ANK3: variants seen among roughly 807,000 people sequenced by gnomAD.
The protein encoded by ANK3 is ankyrin-3.
ANK3 carries 57 observed loss-of-function variants against 370.9 expected under a neutral mutation model. The observed-to-expected ratio is 0.15, with a 90% CI of 0.12 to 0.19. The LOEUF is 0.19. Among genes scored for constraint, ANK3 ranks in the 10% least tolerant of loss-of-function variants. ANK3 has a pLI of 1.00. For synonymous variants in ANK3, 1,929 were observed against 1,946.3 expected (o/e 0.99, Z 0.23); for missense variants, 4,439 against 5,302.1 (o/e 0.84, Z 5.06).
intron 42 of ANK3, 172 bp from the exon 43 acceptor site, chr10:60,042,931 C>A: frequency 2.1e-6 from 3 of 1,415,664 alleles, no homozygotes; most frequent in Non-Finnish European, 2.8e-6. Flanking sequence ...AGTTTAGCAT[C>A]ATCAAGCAAG....
At chr10:60,241,423 T>G in intron 7 of ANK3, among the ~76,000 whole-genome samples, 1 of 152,204 alleles carries the variant, frequency 6.6e-6, no homozygotes, top group East Asian at 1.9e-4. Context: ...TGTTATAGAA[T>G]ACATTAGCAT....
rs71015793 is a variant in ANK3, at chr10:60,423,421, C to CTT, written c.97-143784_97-143783dup. On this transcript the variant is annotated intron_variant, in intron 2 of 43. Coordinates refer to the ANK3 transcript ENST00000373827. Reference sequence around the variant, plus strand: ...CTATTCTGCAACAATGATTCTCCATCTTTTTTTTTTTCACAGCACACTCTG... The same window carrying CTT: ...CTATTCTGCAACAATGATTCTCCATCTTTTTTTTTTTTTCACAGCACACTCTG... 6.2e-4 allele frequency among the ~76,000 whole-genome samples: 92 copies of CTT among 148,286 alleles called. 1 individual carries two copies. The highest frequency in any genetic ancestry group is 4.9e-3 in the East Asian group (25 of 5,088).
Position 60,042,748 on chromosome 10 carries a change from A to G in ANK3, c.13077T>C (p.Gly4359=). 1 of 1,613,274 alleles carries G rather than the reference A, an allele frequency of 6.2e-7. No individual in the cohort carries two copies. Among genetic ancestry groups the G allele is most frequent in the South Asian group, 1.1e-5 (1 of 91,056 alleles). Residue 4359 remains glycine (G), a synonymous_variant, in exon 43 of 44, where the codon GGT becomes GGC. Transcript: ENST00000280772. ...TTTCTTTCTTCGTTTTCACCTTAAA[A>G]CCTTCTCCCTGCTTTGAAAGGAGTG... ...SSGSEQKQGE[G]FKVKTKKEIR... is the part of the protein sequence containing the mutation.
chr10:60,061,427 C>T lies in ANK3; in HGVS notation c.12595+1684G>A, dbSNP rs894641223. Among the ~76,000 whole-genome samples the T allele has an allele frequency of 2.6e-5, 4 of 152,204 alleles. No individual in the cohort carries two copies. The East Asian group carries it at 7.7e-4, about 29-fold the overall frequency. Reference sequence around the variant, plus strand: ...AATGAAGCTTTCAACACAACTACTTCTGTTGTGTTCTGGTGATCTTTTTTA... The same window carrying T: ...AATGAAGCTTTCAACACAACTACTTTTGTTGTGTTCTGGTGATCTTTTTTA... On this transcript the variant is annotated intron_variant, in intron 40 of 43. Coordinates refer to ENST00000280772, the MANE Select transcript of ANK3 (RefSeq NM_020987.5).
chr10:60,065,490 T>C (rs1477011835), intron 38 of ANK3, among the ~76,000 whole-genome samples: 2 of 152,256 alleles, frequency 1.3e-5, no homozygotes, highest in African/African-American at 4.8e-5. Context: ...ATTCAGAGGC[T>C]CAAAAAAGTC....
At chr10:60,485,168 G>A (rs2075317996) in intron 2 of ANK3, among the ~76,000 whole-genome samples, 1 of 152,122 alleles carries the variant, frequency 6.6e-6, no homozygotes, top group Non-Finnish European at 1.5e-5. Context: ...TTCATCATCT[G>A]TACCATGACT....
At chr10:60,149,526 C>T (rs115041778) in intron 23 of ANK3, among the ~76,000 whole-genome samples, 13 of 152,298 alleles carry the variant, frequency 8.5e-5, no homozygotes, top group Middle Eastern at 3.4e-3. Context: ...AATTCCTTGG[C>T]GTCTGTTAAA....
At chr10:60,280,003 T>C (rs1034246183) in intron 1 of ANK3, among the ~76,000 whole-genome samples, 1 of 152,202 alleles carries the variant, frequency 6.6e-6, no homozygotes, top group Non-Finnish European at 1.5e-5. Context: ...AAATGTAACA[T>C]CTATTCCTTT....
chr10:60,319,583 C>T (rs564032233), intron 1 of ANK3, among the ~76,000 whole-genome samples: 1 of 152,258 alleles, frequency 6.6e-6, no homozygotes, highest in Non-Finnish European at 1.5e-5. Context: ...TTAAAACACA[C>T]CCATTTATTG....
chr10:60,245,117 C>G (rs1183609700), intron 7 of ANK3, among the ~76,000 whole-genome samples: 1 of 151,710 alleles, frequency 6.6e-6, no homozygotes. Flanking sequence ...TGCAGTGAGC[C>G]GAGATTGCGC....
intron 28 of ANK3, among the ~76,000 whole-genome samples, chr10:60,094,181 ATTTTTTTTTTTT>A (rs1169437967): frequency 3.4e-5 from 4 of 116,390 alleles, no homozygotes; most frequent in Admixed American, 9.7e-5. Context: ...ACAGTATTCT[ATTTTTTTTTTTT>A]TTTTTTTTTG....
intron 1 of ANK3, among the ~76,000 whole-genome samples, chr10:60,310,272 C>A (rs1169883337): frequency 6.6e-6 from 1 of 152,030 alleles, no homozygotes; most frequent in Non-Finnish European, 1.5e-5. Context: ...TACACATGTG[C>A]ACACTCACCC....
rs1425520992 is a variant in ANK3, at chr10:60,086,664, G to C, written c.3748+13C>G. Reference sequence around the variant, plus strand: ...GTGAATCAATAGGAAGTACAGCAGTGACTTAACCAAACCTGTAATGCTACA... The same window carrying C: ...GTGAATCAATAGGAAGTACAGCAGTCACTTAACCAAACCTGTAATGCTACA... On this transcript the variant is annotated intron_variant, in intron 30 of 43. Transcript: ENST00000280772. 1 of 1,608,078 alleles carries C rather than the reference G, an allele frequency of 6.2e-7. No individual in the cohort carries two copies. The highest frequency in any genetic ancestry group is 1.3e-5 in the African/African-American group (1 of 74,770).
rs747702473 is a variant in ANK3 at position 60,086,742 on chromosome 10, T to C, written c.3683A>G (p.Glu1228Gly). 1 of 1,614,000 alleles carries C rather than the reference T, an allele frequency of 6.2e-7. No individual in the cohort carries two copies. Among genetic ancestry groups the C allele is most frequent in the African/African-American group, 1.3e-5 (1 of 74,994 alleles). ...MTIPVPPPSG[E>G]GVSNGYKGDT... ...CCCTTTGTATCCATTGGATACACCT[T>C]CTCCTGAGGGCGGGGGCACCGGAAT... Residue 1228 changes from glutamate to glycine, a missense_variant, in exon 30 of 44, where the codon GAA becomes GGA. Glu to Gly is a moderately conservative substitution (Grantham distance 98). Transcript: ENST00000280772.
intron 1 of ANK3, among the ~76,000 whole-genome samples, chr10:60,323,886 T>G (rs1281354907): frequency 1.3e-5 from 2 of 152,160 alleles, no homozygotes; most frequent in East Asian, 3.9e-4. Flanking sequence ...AGACCAGAGC[T>G]GAGAACTGAT....
intron 43 of ANK3, among the ~76,000 whole-genome samples, chr10:60,035,290 C>T (rs1486619578): frequency 6.6e-6 from 1 of 151,902 alleles, no homozygotes; most frequent in Non-Finnish European, 1.5e-5. Flanking sequence ...GCTCTGTCGC[C>T]CAGGCTGGAG....
intron 2 of ANK3, among the ~76,000 whole-genome samples, chr10:60,452,612 A>C (rs866121250): frequency 2.0e-5 from 3 of 152,370 alleles, no homozygotes; most frequent in Non-Finnish European, 4.4e-5. Flanking sequence ...CAGAAAGAGA[A>C]TCTTCTCATA....
chr10:60,335,511 G>C (rs2052609704), intron 1 of ANK3, among the ~76,000 whole-genome samples: 2 of 152,128 alleles, frequency 1.3e-5, no homozygotes, highest in African/African-American at 2.4e-5. Flanking sequence ...AATGTGGCAG[G>C]TTGGCCCACC....
chr10:60,660,249 A>T (rs1273605378), intron 1 of ANK3, among the ~76,000 whole-genome samples: 5 of 152,156 alleles, frequency 3.3e-5, no homozygotes, highest in Non-Finnish European at 7.4e-5. Flanking sequence ...TATTTCTTGA[A>T]TATACATACC....
Sources: gnomAD v4.1 joint callset for allele counts (sites outside exome capture counted in the v4.1 genomes callset) on GRCh38, gnomAD v4.1.1 for gene constraint, MANE v1.5 for transcripts, NCBI Gene and HGNC (gene_info 2026-07-23, HGNC 2026-07-21) for gene names.